Variants in ALDH3B1 observed in about 807,000 individuals in gnomAD.
The protein encoded by ALDH3B1 is aldehyde dehydrogenase 3 family member B1.
ALDH3B1 carries 37 observed loss-of-function variants against 46.2 expected under a neutral mutation model. The ratio of observed to expected loss-of-function variants is 0.80; its 90% CI spans 0.62 to 1.05. ALDH3B1 has a LOEUF of 1.05. Ranked by LOEUF, ALDH3B1 falls within the 50% of genes least tolerant of loss-of-function variation. ALDH3B1 has a pLI of 0.00. For missense variants in ALDH3B1, 603 were observed against 665.5 expected, an observed-to-expected ratio of 0.91 and a Z score of 1.03; for synonymous variants, 283 against 281.0, an observed-to-expected ratio of 1.01 and a Z score of -0.07.
At chr11:68,009,225 G>C (rs1217727336), upstream of ALDH3B1, among the ~76,000 whole-genome samples, 4 of 152,234 alleles carry the variant, frequency 2.6e-5, no homozygotes, top group East Asian at 7.7e-4. Flanking sequence ...CAGAAAGACA[G>C]GCTCTATGAA....
intron 6 of ALDH3B1, among the ~76,000 whole-genome samples, chr11:68,020,013 ACCATAGCCTCTGCCC>A (rs1227682999): frequency 6.6e-6 from 1 of 152,010 alleles, no homozygotes; most frequent in Non-Finnish European, 1.5e-5. Context: ...AGCGTCAGGA[ACCATAGCCTCTGCCC>A]CCACTGTCCC....
At chr11:68,009,711 T>A (rs748621151), upstream of ALDH3B1, among the ~76,000 whole-genome samples, 31 of 152,210 alleles carry the variant, frequency 2.0e-4, no homozygotes, top group Non-Finnish European at 1.2e-4. Flanking sequence ...GATATTATTA[T>A]CACTTTTTTT....
At chr11:68,021,368 C>T (rs1454283925) in intron 6 of ALDH3B1, 117 bp from the exon 7 acceptor site, 16 of 1,452,564 alleles carry the variant, frequency 1.1e-5, no homozygotes, top group Admixed American at 4.4e-5. Flanking sequence ...AAAGGCCAGG[C>T]GAGGGCTGCT....
intron 1 of ALDH3B1, among the ~76,000 whole-genome samples, chr11:68,013,870 C>T (rs560474953): frequency 6.6e-6 from 1 of 152,362 alleles, no homozygotes; most frequent in South Asian, 2.1e-4. Context: ...TGCCCAGCTT[C>T]TCCCAATCAG....
chr11:68,018,534 TC>T lies in ALDH3B1; in HGVS notation c.171del (p.Phe57LeufsTer26). ...ALAQDLHKSA[F>X]ESEVSEVAIS... The stretch of plus-strand genomic sequence containing the variant: ...CCCACCCACTTCCTGCAGTCAGCCT[TC>T]GAGTCGGAGGTGTCTGAGGTTGCCA... On this transcript the variant is annotated frameshift_variant, in exon 3 of 10. Coordinates refer to ENST00000342456, the MANE Select transcript of ALDH3B1 (RefSeq NM_000694.4). LOFTEE classifies it high-confidence loss of function. The T allele has an allele frequency of 6.4e-7, 1 of 1,570,272 alleles. No homozygotes were observed. The highest frequency in any genetic ancestry group is 1.7e-4 in the Middle Eastern group (1 of 5,976).
chr11:68,011,937 G>A (rs1013377578), intron 1 of ALDH3B1, among the ~76,000 whole-genome samples: 1 of 152,216 alleles, frequency 6.6e-6, no homozygotes, highest in Admixed American at 6.5e-5. Flanking sequence ...GATGGGAAAC[G>A]TGAATACAAA....
chr11:68,025,370 A>G (rs182934291), intron 8 of ALDH3B1: 1 of 152,266 alleles, frequency 6.6e-6, no homozygotes, highest in East Asian at 1.9e-4. Flanking sequence ...AACTAAATAT[A>G]CTGAAGTTTT....
At chr11:68,021,194 T>C (rs1043435506) in intron 6 of ALDH3B1, among the ~76,000 whole-genome samples, 2 of 151,860 alleles carry the variant, frequency 1.3e-5, no homozygotes, top group Admixed American at 6.6e-5. Context: ...TCAGCCAGGG[T>C]CACAAGCAGA....
At chr11:68,027,126 C>T (rs1430822169) in intron 9 of ALDH3B1, among the ~76,000 whole-genome samples, 1 of 152,120 alleles carries the variant, frequency 6.6e-6, no homozygotes, top group Admixed American at 6.5e-5. Flanking sequence ...TGCCCAGGTC[C>T]CTAACACACC....
rs115219197 is a variant in ALDH3B1, at chr11:68,012,453, C to A, written c.-2+2061C>A. Reference sequence around the variant, plus strand: ...ACCAAATGATGTGGCAACTCCCCCCCACCCCAGAAGCTGCAGGTCTGGGCC... The same window carrying A: ...ACCAAATGATGTGGCAACTCCCCCCAACCCCAGAAGCTGCAGGTCTGGGCC... On this transcript the variant is annotated intron_variant, in intron 1 of 9. Transcript: ENST00000342456. Among the ~76,000 whole-genome samples the A allele has an allele frequency of 6.2e-3, 951 of 152,346 alleles. 16 individuals carry two copies. The highest frequency in any genetic ancestry group is 0.02 in the African/African-American group (830 of 41,574).
rs199673257 is a variant in ALDH3B1 at position 68,022,826 on chromosome 11, AG to A, written c.1116+72del. On this transcript the variant is annotated intron_variant, in intron 8 of 9. Coordinates refer to ENST00000342456, the MANE Select transcript of ALDH3B1 (RefSeq NM_000694.4). ...AGTGGGCAGCACAAGTGGTGGCAGC[AG>A]GGGGGGCACCAAAATCCAGTGGCTT... 1,220 of 1,593,518 alleles carry A rather than the reference AG, an allele frequency of 7.7e-4. 3 individuals carry two copies. The highest frequency in any genetic ancestry group is 9.6e-4 in the Non-Finnish European group (1,122 of 1,170,010).
rs2286167 is a variant in ALDH3B1 at position 68,022,085 on chromosome 11, C to T, written c.949+214C>T. 1.2e-4 allele frequency among the ~76,000 whole-genome samples: 19 copies of T among 152,344 alleles called. No individual in the cohort carries two copies. The East Asian group carries it at 2.5e-3, about 20-fold the overall frequency. On this transcript the variant is annotated intron_variant, in intron 7 of 9. Transcript: ENST00000342456. Reference sequence around the variant, plus strand: ...AAACTCTGGTCCCTCACCTTGGATTCGCTGAGCTCAGATCCCAGGGCTCCA... The same window carrying T: ...AAACTCTGGTCCCTCACCTTGGATTTGCTGAGCTCAGATCCCAGGGCTCCA...
At chr11:68,025,756 G>A (rs537955509) in intron 8 of ALDH3B1, among the ~76,000 whole-genome samples, 93 of 152,260 alleles carry the variant, frequency 6.1e-4, no homozygotes, top group Non-Finnish European at 1.0e-4. Flanking sequence ...AGCCCTAAGA[G>A]TCTGTGCCAT....
chr11:68,027,679 C>T, intron 9 of ALDH3B1, 70 bp from the exon 10 acceptor site: 3 of 1,479,066 alleles, frequency 2.0e-6, no homozygotes, highest in Non-Finnish European at 2.7e-6. Flanking sequence ...AAGTAGCCCG[C>T]CTAGGCCCCA....
intron 1 of ALDH3B1, among the ~76,000 whole-genome samples, chr11:68,010,925 A>C (rs960121381): frequency 6.6e-6 from 1 of 152,194 alleles, no homozygotes; most frequent in African/African-American, 2.4e-5. Context: ...CCCCGCCTGC[A>C]GGAGGCACTT....
At chr11:68,023,712 C>A (rs1201937213) in intron 8 of ALDH3B1, among the ~76,000 whole-genome samples, 1 of 152,032 alleles carries the variant, frequency 6.6e-6, no homozygotes, top group African/African-American at 2.4e-5. Flanking sequence ...CCTAATTTCC[C>A]CCATTTAATG....
At position 68,028,069 on chromosome 11, in the gene ALDH3B1, C is replaced by G; in HGVS notation, c.*130C>G. The stretch of plus-strand genomic sequence containing the variant: ...GGCTCCAGGGCACCCCTCAAAGCAG[C>G]GCCTGCCTCCTCCCTCCTGGGTCTT... On this transcript the variant is annotated 3_prime_UTR_variant, in exon 10 of 10. Transcript: ENST00000342456. 8.2e-7 allele frequency: 1 copy of G among 1,214,814 alleles called. No individual in the cohort carries two copies. Among genetic ancestry groups the G allele is most frequent in the South Asian group, 1.2e-5 (1 of 82,560 alleles). The allele number at this position is 1,214,814 out of a possible 1,614,324, so 75.3% of individuals were successfully genotyped here. A position where few individuals can be genotyped will look rare whatever the true frequency, so the allele number is the denominator to read the frequency against.
chr11:68,019,140 C>G (rs772759362), intron 4 of ALDH3B1, 30 bp from the exon 5 acceptor site: 2 of 1,600,034 alleles, frequency 1.2e-6, no homozygotes, highest in Non-Finnish European at 1.7e-6. Flanking sequence ...GCTACGCCTC[C>G]TCCAGCTCTC....
At chr11:68,013,301 T>C (rs1271261482) in intron 1 of ALDH3B1, among the ~76,000 whole-genome samples, 1 of 152,126 alleles carries the variant, frequency 6.6e-6, no homozygotes, top group Non-Finnish European at 1.5e-5. Context: ...GTTTCAGCGT[T>C]GCTAGGAGGG....
Sources: gnomAD v4.1 joint callset for allele counts (sites outside exome capture counted in the v4.1 genomes callset) on GRCh38, gnomAD v4.1.1 for gene constraint, MANE v1.5 for transcripts, NCBI Gene and HGNC (gene_info 2026-07-23, HGNC 2026-07-21) for gene names.